PIBF1: variants seen among roughly 807,000 people sequenced by gnomAD.
PIBF1 encodes the protein progesterone immunomodulatory binding factor 1, also known as progesterone-induced-blocking factor 1.
Under a neutral mutation model 112.5 loss-of-function variants are expected in PIBF1, and 90 were observed. The ratio of observed to expected loss-of-function variants is 0.80; its 90% CI spans 0.67 to 0.95. The LOEUF (loss-of-function observed/expected upper bound fraction) is 0.95. Among genes scored for constraint, PIBF1 ranks in the 40% least tolerant of loss-of-function variants. PIBF1 has a pLI of 0.00. For missense variants in PIBF1, 915 were observed against 852.3 expected (o/e 1.07, Z -0.92); for synonymous variants, 301 against 288.6 (o/e 1.04, Z -0.44).
At chr13:72,974,975 A>G (rs1433297322) in intron 16 of PIBF1, among the ~76,000 whole-genome samples, 6 of 152,052 alleles carry the variant, frequency 3.9e-5, no homozygotes, top group African/African-American at 4.8e-5. Flanking sequence ...TTTTAACACA[A>G]AGCCTTTTTT....
intron 5 of PIBF1, among the ~76,000 whole-genome samples, chr13:72,820,125 T>C (rs184283249): frequency 1.3e-5 from 2 of 152,244 alleles, no homozygotes; most frequent in East Asian, 3.9e-4. Context: ...ACGTTAGACA[T>C]TTTTATAAGC....
intron 14 of PIBF1, among the ~76,000 whole-genome samples, chr13:72,959,079 A>G (rs1033739439): frequency 1.3e-5 from 2 of 151,882 alleles, no homozygotes; most frequent in East Asian, 1.9e-4. Flanking sequence ...GCTCACTGCA[A>G]CCACCTCCTG....
At position 72,902,029 on chromosome 13, in the gene PIBF1, C is replaced by T. The variant is rs199629233; in HGVS notation, c.1489-6502C>T. 4.9e-3 allele frequency among the ~76,000 whole-genome samples: 127 copies of T among 25,868 alleles called. 3 individuals carry two copies. The East Asian group carries it at 0.064, about 13-fold the overall frequency. The allele number at this position is 25,868 out of a possible 152,430, so 17.0% of individuals were successfully genotyped here. On this transcript the variant is annotated intron_variant, in intron 11 of 17. Transcript: ENST00000326291. ...ATATGTGTGTGTGTGTGTGTATACA[C>T]ACACATGATGGAATACTGCTCAGCC...
intron 10 of PIBF1, among the ~76,000 whole-genome samples, chr13:72,880,645 CT>C (rs2039587396): frequency 6.6e-6 from 1 of 152,124 alleles, no homozygotes; most frequent in Non-Finnish European, 1.5e-5. Context: ...AATATAGTTA[CT>C]TGTGAATATT....
At chr13:72,840,025 A>G (rs982690440) in intron 9 of PIBF1, among the ~76,000 whole-genome samples, 13 of 152,184 alleles carry the variant, frequency 8.5e-5, no homozygotes, top group East Asian at 3.9e-4. Context: ...AGAGTGGACA[A>G]TTGCCACCAG....
At chr13:72,856,221 CTAT>C (rs1445785087) in intron 10 of PIBF1, among the ~76,000 whole-genome samples, 2 of 152,238 alleles carry the variant, frequency 1.3e-5, no homozygotes, top group East Asian at 3.9e-4. Context: ...ATGATAACTA[CTAT>C]TATCATAGAA....
intron 17 of PIBF1, among the ~76,000 whole-genome samples, chr13:73,012,043 C>G (rs1265035341): frequency 6.6e-6 from 1 of 152,088 alleles, no homozygotes; most frequent in East Asian, 1.9e-4. Context: ...GAGATCAAAA[C>G]TGCTTATAAC....
At position 72,873,229 on chromosome 13, in the gene PIBF1, A is replaced by G. The variant is rs76805770; in HGVS notation, c.1322+19074A>G. Reference sequence around the variant, plus strand: ...TCTTGCTAAACCATTTAGATACCATATACAAAAAAGTGCACCTCCACCCCT... The same window carrying G: ...TCTTGCTAAACCATTTAGATACCATGTACAAAAAAGTGCACCTCCACCCCT... On this transcript the variant is annotated intron_variant, in intron 10 of 17. Transcript: ENST00000326291. 8.8e-3 allele frequency among the ~76,000 whole-genome samples: 1,343 copies of G among 152,292 alleles called. 14 individuals carry two copies. Among genetic ancestry groups the G allele is most frequent in the Non-Finnish European group, 0.014 (932 of 68,016 alleles).
chr13:72,803,973 A>G (rs949238814), intron 5 of PIBF1, among the ~76,000 whole-genome samples: 3 of 152,096 alleles, frequency 2.0e-5, no homozygotes, highest in Non-Finnish European at 4.4e-5. Flanking sequence ...TGTTACTTGG[A>G]ATGTTCTTAT....
chr13:72,909,604 T>A (rs1292301255), intron 12 of PIBF1, among the ~76,000 whole-genome samples: 1 of 151,912 alleles, frequency 6.6e-6, no homozygotes. Context: ...AAGCGATTCT[T>A]CTGCCTCAGC....
chr13:72,980,520 CA>C (rs1478729474), intron 16 of PIBF1, among the ~76,000 whole-genome samples: 2 of 152,230 alleles, frequency 1.3e-5, no homozygotes, highest in Non-Finnish European at 2.9e-5. Context: ...AAAGGGCCGG[CA>C]CGGTGGCTCA....
chr13:72,805,034 TACAGTCTCGGCTCACTGGA>T (rs2035654730), intron 5 of PIBF1, among the ~76,000 whole-genome samples: 4 of 152,156 alleles, frequency 2.6e-5, no homozygotes, highest in Non-Finnish European at 5.9e-5. Flanking sequence ...AGTGCAGTGG[TACAGTCTCGGCTCACTGGA>T]ACCTTTGCCT....
At chr13:72,936,648 C>T (rs1242612305) in intron 14 of PIBF1, among the ~76,000 whole-genome samples, 4 of 152,146 alleles carry the variant, frequency 2.6e-5, no homozygotes, top group African/African-American at 9.7e-5. Flanking sequence ...TTCCAGTTAT[C>T]TGTCTTTATG....
intron 11 of PIBF1, among the ~76,000 whole-genome samples, chr13:72,896,289 A>G (rs531120015): frequency 6.6e-6 from 1 of 152,266 alleles, no homozygotes; most frequent in Admixed American, 6.5e-5. Context: ...GTGAGGAACA[A>G]AAGAACCTGA....
At chr13:72,813,185 T>C (rs2036102441) in intron 5 of PIBF1, among the ~76,000 whole-genome samples, 1 of 152,224 alleles carries the variant, frequency 6.6e-6, no homozygotes, top group African/African-American at 2.4e-5. Flanking sequence ...AAGGTTAAAT[T>C]ATATAGTCAA....
At chr13:72,854,914 A>G (rs547869348) in intron 10 of PIBF1, among the ~76,000 whole-genome samples, 1 of 152,228 alleles carries the variant, frequency 6.6e-6, no homozygotes, top group South Asian at 2.1e-4. Context: ...ATAGAAAATG[A>G]TATTTATTTT....
chr13:72,972,849 TGA>T (rs1282632534), intron 15 of PIBF1, among the ~76,000 whole-genome samples: 1 of 152,194 alleles, frequency 6.6e-6, no homozygotes, highest in Non-Finnish European at 1.5e-5. Flanking sequence ...ACTAAATACC[TGA>T]TTCACTTACT....
intron 4 of PIBF1, 130 bp from the exon 5 acceptor site, chr13:72,797,777 C>A: frequency 1.6e-6 from 1 of 630,416 alleles, no homozygotes; most frequent in South Asian, 2.4e-5. Context: ...TGGCTAGGGT[C>A]CATTAATGAC....
At position 72,986,960 on chromosome 13, in the gene PIBF1, G is replaced by A. The variant is rs901948359; in HGVS notation, c.2050-11862G>A. 3.9e-5 allele frequency among the ~76,000 whole-genome samples: 6 copies of A among 152,062 alleles called. No individual in the cohort carries two copies. In the East Asian group the frequency reaches 1.2e-3, roughly 29 times the overall value. On this transcript the variant is annotated intron_variant, in intron 16 of 17. Transcript: ENST00000326291. ...CCTGCCTCGGCCTCCCAAAGTGCTGGGATTACAGGCGTGAGCCACCGCGCC... is the reference window on the plus strand; with the variant it reads ...CCTGCCTCGGCCTCCCAAAGTGCTGAGATTACAGGCGTGAGCCACCGCGCC...
Sources: allele counts gnomAD v4.1 joint callset (sites outside exome capture counted in the v4.1 genomes callset), GRCh38; gene constraint gnomAD v4.1.1; transcripts MANE v1.5; gene names NCBI Gene and HGNC (gene_info 2026-07-23, HGNC 2026-07-21).